The following KIAA0825 variants were observed in gnomAD, a reference collection of about 807,000 sequenced individuals.
KIAA0825 encodes uncharacterized protein KIAA0825.
KIAA0825 carries 119 observed loss-of-function variants against 147.6 expected under a neutral mutation model. The ratio of observed to expected loss-of-function variants is 0.81; its 90% CI spans 0.69 to 0.94. The LOEUF (loss-of-function observed/expected upper bound fraction) is 0.94, where lower values mean the gene tolerates loss of function less well. Ranked by LOEUF, KIAA0825 falls within the 40% of genes least tolerant of loss-of-function variation. The pLI is 0.00. For missense variants in KIAA0825, 1,381 were observed against 1,472.7 expected, an observed-to-expected ratio of 0.94 and a Z score of 1.02; for synonymous variants, 470 against 518.1, an observed-to-expected ratio of 0.91 and a Z score of 1.26.
intron 20 of KIAA0825, among the ~76,000 whole-genome samples, chr5:94,247,539 C>G (rs1035990514): frequency 2.0e-4 from 30 of 151,970 alleles, no homozygotes; most frequent in Admixed American, 1.5e-3. Context: ...GAAACCTTTC[C>G]TGACTCCCTG....
intron 2 of KIAA0825, among the ~76,000 whole-genome samples, chr5:94,538,831 C>G (rs771536040): frequency 5.3e-5 from 8 of 152,294 alleles, no homozygotes; most frequent in South Asian, 2.1e-4. Flanking sequence ...CAGTGGGTAT[C>G]TCCTTAGGAT....
chr5:94,284,686 A>C (rs1182901364), intron 20 of KIAA0825, among the ~76,000 whole-genome samples: 1 of 152,120 alleles, frequency 6.6e-6, no homozygotes, highest in African/African-American at 2.4e-5. Context: ...CTATTCCTAA[A>C]ATACATCTTT....
chr5:94,559,189 T>A (rs1561313409), intron 2 of KIAA0825, among the ~76,000 whole-genome samples: 1 of 152,232 alleles, frequency 6.6e-6, no homozygotes, highest in East Asian at 1.9e-4. Context: ...TTTACTGAGC[T>A]TTCTTCAAGC....
intron 1 of KIAA0825, among the ~76,000 whole-genome samples, chr5:94,591,092 T>C (rs534385747): frequency 6.6e-6 from 1 of 152,240 alleles, no homozygotes; most frequent in East Asian, 1.9e-4. Flanking sequence ...GAAGTTATAT[T>C]ATGGAGAAGA....
At chr5:94,171,367 C>A (rs979501071) in intron 20 of KIAA0825, among the ~76,000 whole-genome samples, 1 of 152,162 alleles carries the variant, frequency 6.6e-6, no homozygotes, top group African/African-American at 2.4e-5. Flanking sequence ...TCCATTAAAC[C>A]TCTTTTTCTT....
At chr5:94,313,781 T>C (rs947754254) in intron 20 of KIAA0825, among the ~76,000 whole-genome samples, 7 of 151,596 alleles carry the variant, frequency 4.6e-5, no homozygotes, top group South Asian at 2.1e-4. Flanking sequence ...TATGGTAACA[T>C]AGGAGCCAAT....
At chr5:94,169,387 G>C (rs1033635282) in intron 20 of KIAA0825, among the ~76,000 whole-genome samples, 2 of 152,018 alleles carry the variant, frequency 1.3e-5, no homozygotes, top group Non-Finnish European at 2.9e-5. Context: ...TTCAAGACCA[G>C]TCTGGGCAAC....
In KIAA0825 at chr5:94,616,233, T is replaced by C. The variant is rs138735850; in HGVS notation, c.-153+2267A>G. Reference sequence around the variant, plus strand: ...ATTAGTATTTCAGGCTAGCTATACCTATACAGTTGTAAAACAGGATATTCT... The same window carrying C: ...ATTAGTATTTCAGGCTAGCTATACCCATACAGTTGTAAAACAGGATATTCT... On this transcript the variant is annotated intron_variant, in intron 1 of 20. Coordinates refer to ENST00000682413, the MANE Select transcript of KIAA0825 (RefSeq NM_001145678.3). Among the ~76,000 whole-genome samples the C allele has an allele frequency of 4.3e-4, 65 of 152,322 alleles. No individual in the cohort carries two copies. In the East Asian group the frequency reaches 0.012, roughly 29 times the overall value.
intron 1 of KIAA0825, among the ~76,000 whole-genome samples, chr5:94,615,856 C>G (rs150198711): frequency 2.6e-5 from 4 of 152,086 alleles, no homozygotes; most frequent in Admixed American, 2.0e-4. Flanking sequence ...GGGTCTTACT[C>G]TGTTGTGCAG....
At chr5:94,237,745 T>C (rs1775133768) in intron 20 of KIAA0825, among the ~76,000 whole-genome samples, 1 of 152,146 alleles carries the variant, frequency 6.6e-6, no homozygotes, top group African/African-American at 2.4e-5. Context: ...ACACAACAAG[T>C]AGTATTATAA....
At chr5:94,269,836 A>G (rs1210706133) in intron 20 of KIAA0825, among the ~76,000 whole-genome samples, 1 of 152,118 alleles carries the variant, frequency 6.6e-6, no homozygotes, top group East Asian at 1.9e-4. Context: ...AAATTGAAAC[A>G]AAGAATACAA....
rs869059424 is a variant in KIAA0825, at chr5:94,224,082, C to CTTTTTTTTTT, written c.3711-69968_3711-69959dup. ...TTTCTTTTCTCTTTCTTTTTCTTTT[C>CTTTTTTTTTT]TTTTTTTTTTTTTTTTTTTTTTTTT... On this transcript the variant is annotated intron_variant, in intron 20 of 20. Coordinates refer to ENST00000682413, the MANE Select transcript of KIAA0825 (RefSeq NM_001145678.3). Among the ~76,000 whole-genome samples, 498 of 56,544 alleles carry CTTTTTTTTTT rather than the reference C, an allele frequency of 8.8e-3. 3 individuals carry two copies. The highest frequency in any genetic ancestry group is 0.011 in the Non-Finnish European group (346 of 31,668). The allele number at this position is 56,544 out of a possible 152,430, so 37.1% of individuals were successfully genotyped here.
At chr5:94,425,014 G>A (rs78853880) in intron 14 of KIAA0825, among the ~76,000 whole-genome samples, 1,644 of 152,198 alleles carry the variant, frequency 0.011, 34 homozygotes, top group African/African-American at 0.037. Flanking sequence ...TCCCAACAAA[G>A]AAAAGTACAA....
intron 20 of KIAA0825, among the ~76,000 whole-genome samples, chr5:94,287,061 G>T (rs1441188839): frequency 6.6e-6 from 1 of 152,122 alleles, no homozygotes; most frequent in Non-Finnish European, 1.5e-5. Flanking sequence ...CTGAGTCTCA[G>T]TGTCTTCATA....
chr5:94,156,994 A>C (rs954215444), intron 20 of KIAA0825, among the ~76,000 whole-genome samples: 1 of 152,192 alleles, frequency 6.6e-6, no homozygotes, highest in Non-Finnish European at 1.5e-5. Context: ...CTGTTAAAAA[A>C]AAAATACTGA....
intron 20 of KIAA0825, among the ~76,000 whole-genome samples, chr5:94,263,356 G>A (rs565800054): frequency 6.6e-6 from 1 of 151,982 alleles, no homozygotes; most frequent in Non-Finnish European, 1.5e-5. Flanking sequence ...CCTAGGCCTC[G>A]TTATTTCCTG....
chr5:94,190,857 A>G (rs951710802), intron 20 of KIAA0825, among the ~76,000 whole-genome samples: 13 of 152,134 alleles, frequency 8.5e-5, no homozygotes, highest in Non-Finnish European at 5.9e-5. Context: ...GAAAATAAAA[A>G]CATGTGTCTT....
chr5:94,354,706 G>A (rs1415165717), intron 20 of KIAA0825, among the ~76,000 whole-genome samples: 3 of 152,204 alleles, frequency 2.0e-5, no homozygotes, highest in South Asian at 4.1e-4. Context: ...GAATGTTTCT[G>A]TCTTTTTCAA....
At chr5:94,588,112 C>T (rs1783656838) in intron 1 of KIAA0825, among the ~76,000 whole-genome samples, 1 of 152,094 alleles carries the variant, frequency 6.6e-6, no homozygotes, top group Admixed American at 6.6e-5. Context: ...CCGGCAATAC[C>T]ATTCCCGACA....
Sources: allele counts gnomAD v4.1 joint callset (sites outside exome capture counted in the v4.1 genomes callset), GRCh38; gene constraint gnomAD v4.1.1; transcripts MANE v1.5; gene names NCBI Gene and HGNC (gene_info 2026-07-23, HGNC 2026-07-21).